Variants in STK32B observed in about 807,000 individuals in gnomAD.
STK32B encodes serine/threonine-protein kinase 32B.
A neutral mutation model predicts 52.6 loss-of-function variants in STK32B; 43 were observed. The ratio of observed to expected loss-of-function variants is 0.82; its 90% CI spans 0.64 to 1.05. STK32B has a LOEUF of 1.05. Ranked by LOEUF, STK32B falls within the 50% of genes least tolerant of loss-of-function variation. The pLI is 0.00. For missense variants in STK32B, 621 were observed against 534.6 expected, an observed-to-expected ratio of 1.16 and a Z score of -1.59; for synonymous variants, 238 against 204.3, an observed-to-expected ratio of 1.17 and a Z score of -1.41.
chr4:5,081,809 TCTC>T (rs1207767975), intron 1 of STK32B, among the ~76,000 whole-genome samples: 1 of 152,226 alleles, frequency 6.6e-6, no homozygotes, highest in African/African-American at 2.4e-5. Context: ...TTTTCTGTGT[TCTC>T]CTATACCTCA....
intron 3 of STK32B, among the ~76,000 whole-genome samples, chr4:5,244,936 G>A (rs767466569): frequency 2.0e-5 from 3 of 152,226 alleles, no homozygotes; most frequent in Non-Finnish European, 2.9e-5. Flanking sequence ...ACTGTGGTCT[G>A]AGACACAGTT....
chr4:5,414,550 C>T (rs1318708227), intron 5 of STK32B, among the ~76,000 whole-genome samples: 2 of 152,058 alleles, frequency 1.3e-5, no homozygotes, highest in Non-Finnish European at 2.9e-5. Flanking sequence ...GCTTGGGGGA[C>T]ATTGGGGAGC....
intron 5 of STK32B, among the ~76,000 whole-genome samples, chr4:5,409,155 C>A (rs1209081826): frequency 6.6e-6 from 1 of 152,118 alleles, no homozygotes; most frequent in Non-Finnish European, 1.5e-5. Flanking sequence ...CATGAAGTCT[C>A]ACCTGAGTGC....
chr4:5,122,472 C>T (rs866925918), intron 1 of STK32B, among the ~76,000 whole-genome samples: 15 of 152,074 alleles, frequency 9.9e-5, no homozygotes, highest in African/African-American at 2.9e-4. Flanking sequence ...GTTGTTAACT[C>T]CTTCACTCAT....
At chr4:5,174,259 T>G (rs1719635416) in intron 3 of STK32B, among the ~76,000 whole-genome samples, 2 of 152,248 alleles carry the variant, frequency 1.3e-5, no homozygotes, top group Admixed American at 1.3e-4. Flanking sequence ...TTATCCAGTT[T>G]GCCAGTTTGT....
At chr4:5,318,612 G>GAC (rs1207526465) in intron 3 of STK32B, among the ~76,000 whole-genome samples, 1 of 152,054 alleles carries the variant, frequency 6.6e-6, no homozygotes, top group East Asian at 1.9e-4. Context: ...GAATCAGCTA[G>GAC]ACCCAGAATC....
At chr4:5,497,302 A>G (rs1300411136) in intron 11 of STK32B, among the ~76,000 whole-genome samples, 1 of 152,244 alleles carries the variant, frequency 6.6e-6, no homozygotes, top group Non-Finnish European at 1.5e-5. Flanking sequence ...CAAGTGCTGA[A>G]TGCAAAAAGT....
chr4:5,245,216 A>C (rs886093769), intron 3 of STK32B, among the ~76,000 whole-genome samples: 6 of 152,224 alleles, frequency 3.9e-5, no homozygotes, highest in Admixed American at 1.3e-4. Context: ...GGAGTCCAAG[A>C]ATCTTTGTAG....
At chr4:5,183,151 C>G (rs1720484352) in intron 3 of STK32B, among the ~76,000 whole-genome samples, 1 of 152,158 alleles carries the variant, frequency 6.6e-6, no homozygotes. Context: ...GCATTAGCCC[C>G]TAGCAAGAGT....
chr4:5,066,965 C>T (rs564050727), intron 1 of STK32B, among the ~76,000 whole-genome samples: 6 of 152,312 alleles, frequency 3.9e-5, no homozygotes, highest in African/African-American at 1.4e-4. Context: ...ATTGCATTTA[C>T]TCTTGTGGCT....
At chr4:5,496,604 T>C (rs994005221) in intron 11 of STK32B, among the ~76,000 whole-genome samples, 5 of 151,208 alleles carry the variant, frequency 3.3e-5, no homozygotes, top group African/African-American at 1.2e-4. Flanking sequence ...ATGAACCCGG[T>C]ACCTCAGATG....
chr4:5,228,163 TA>T (rs1316475588), intron 3 of STK32B, among the ~76,000 whole-genome samples: 1 of 152,170 alleles, frequency 6.6e-6, no homozygotes, highest in Non-Finnish European at 1.5e-5. Context: ...GATATTCACA[TA>T]AAAGGTCATT....
intron 3 of STK32B, among the ~76,000 whole-genome samples, chr4:5,269,332 G>C (rs548140339): frequency 8.5e-5 from 13 of 152,150 alleles, no homozygotes; most frequent in African/African-American, 3.1e-4. Flanking sequence ...TCTCAGGAAT[G>C]GGGGGTACTA....
intron 4 of STK32B, among the ~76,000 whole-genome samples, chr4:5,385,258 T>C (rs16837078): frequency 0.095 from 14,410 of 151,808 alleles, 1,487 homozygotes; most frequent in African/African-American, 0.22. Flanking sequence ...TGATGCTGAC[T>C]GTGAATTCCG....
At chr4:5,497,760 C>CTGT (rs1408512726) in intron 11 of STK32B, among the ~76,000 whole-genome samples, 1 of 152,178 alleles carries the variant, frequency 6.6e-6, no homozygotes, top group Non-Finnish European at 1.5e-5. Context: ...AGGGCATAGA[C>CTGT]TGTTGTAGTC....
chr4:5,067,834 G>C (rs1338570439), intron 1 of STK32B, among the ~76,000 whole-genome samples: 1 of 152,124 alleles, frequency 6.6e-6, no homozygotes, highest in Non-Finnish European at 1.5e-5. Context: ...AGGCGAAGGG[G>C]AAGCACGCAC....
At chr4:5,243,412 T>A (rs867955140) in intron 3 of STK32B, among the ~76,000 whole-genome samples, 22 of 152,214 alleles carry the variant, frequency 1.4e-4, no homozygotes, top group Admixed American at 2.6e-4. Flanking sequence ...TGCTTGCGAT[T>A]TTTGCACGTT....
intron 3 of STK32B, among the ~76,000 whole-genome samples, chr4:5,300,394 C>A (rs191493955): frequency 6.6e-6 from 1 of 152,280 alleles, no homozygotes; most frequent in African/African-American, 2.4e-5. Context: ...CCCACTGTCA[C>A]CACTACTATT....
rs1160857181 is a variant in STK32B at position 5,457,606 on chromosome 4, G to A, written c.783+683G>A. 4.8e-5 allele frequency among the ~76,000 whole-genome samples: 7 copies of A among 147,002 alleles called. No individual in the cohort carries two copies. In the East Asian group the frequency reaches 1.3e-3, roughly 26 times the overall value. On this transcript the variant is annotated intron_variant, in intron 8 of 11. Coordinates refer to ENST00000282908, the MANE Select transcript of STK32B (RefSeq NM_018401.3). Reference sequence around the variant, plus strand: ...ATCTCGGCTGGGCGCAGTGTCTCACGCCTGTAATTCCAGCACTTTGGGAGG... The same window carrying A: ...ATCTCGGCTGGGCGCAGTGTCTCACACCTGTAATTCCAGCACTTTGGGAGG...
Sources: allele counts gnomAD v4.1 joint callset (sites outside exome capture counted in the v4.1 genomes callset), GRCh38; gene constraint gnomAD v4.1.1; transcripts MANE v1.5; gene names NCBI Gene and HGNC (gene_info 2026-07-23, HGNC 2026-07-21).